The following PRLR variants were observed in gnomAD, a reference collection of about 807,000 sequenced individuals.
The protein encoded by PRLR is hPRL receptor.
PRLR carries 13 observed loss-of-function variants against 40.2 expected under a neutral mutation model. The ratio of observed to expected loss-of-function variants is 0.32; its 90% CI spans 0.21 to 0.51. PRLR has a LOEUF of 0.51. Ranked by LOEUF, PRLR falls within the 20% of genes least tolerant of loss-of-function variation. PRLR has a pLI of 0.97. For synonymous variants in PRLR, 269 were observed against 278.7 expected (o/e 0.97, Z 0.35); for missense variants, 656 against 747.3 (o/e 0.88, Z 1.42).
chr5:35,053,677 TG>T (rs1768584741), downstream of PRLR, among the ~76,000 whole-genome samples: 1 of 152,156 alleles, frequency 6.6e-6, no homozygotes, highest in South Asian at 2.1e-4. Flanking sequence ...TGAAGCCCAA[TG>T]TAAAGGAAAT....
At chr5:35,196,199 A>C (rs1053684144) in intron 1 of PRLR, among the ~76,000 whole-genome samples, 26 of 152,340 alleles carry the variant, frequency 1.7e-4, no homozygotes, top group African/African-American at 6.3e-4. Flanking sequence ...GCACTCCATG[A>C]AAGGCCAAGC....
intron 5 of PRLR, among the ~76,000 whole-genome samples, chr5:35,072,981 C>T (rs79999865): frequency 3.5e-4 from 54 of 152,232 alleles, no homozygotes; most frequent in East Asian, 3.5e-3. Flanking sequence ...TTTCATTCTC[C>T]GCATGTTCTC....
chr5:35,143,544 C>A (rs1343161427), intron 1 of PRLR, among the ~76,000 whole-genome samples: 3 of 152,154 alleles, frequency 2.0e-5, no homozygotes, highest in African/African-American at 7.2e-5. Context: ...GCACATATTG[C>A]AATTTCTAGT....
chr5:35,068,876 A>C lies in PRLR; in HGVS notation c.688T>G (p.Phe230Val), dbSNP rs1451452208. 6.2e-7 allele frequency: 1 copy of C among 1,607,796 alleles called. No individual in the cohort carries two copies. The highest frequency in any genetic ancestry group is 8.5e-7 in the Non-Finnish European group (1 of 1,174,272). ...CACACGGTTGTATCATTCATGGTGA[A>C]GTCTAAAAAACAAACAGCCAGAAAG... ...PATFIQIPSD[F>V]TMNDTTVWIS... The change falls in exon 8 of 10, where the codon TTC becomes GTC. Residue 230 changes from phenylalanine to valine, a missense_variant and splice_region_variant. Phe to Val is a conservative substitution (Grantham distance 50). Around this residue, in one of 3 missense-constraint regions of PRLR, gnomAD observed 469 missense variants for 491.5 expected, o/e 0.95. Transcript: ENST00000618457.
intron 2 of PRLR, among the ~76,000 whole-genome samples, chr5:35,094,936 T>C (rs1434469904): frequency 6.6e-6 from 1 of 150,750 alleles, no homozygotes; most frequent in African/African-American, 2.4e-5. Flanking sequence ...CAGGTGATTC[T>C]CCCACCTCAG....
intron 1 of PRLR, among the ~76,000 whole-genome samples, chr5:35,189,030 G>A (rs909221362): frequency 6.6e-6 from 1 of 152,130 alleles, no homozygotes; most frequent in African/African-American, 2.4e-5. Flanking sequence ...TTATGAGGGT[G>A]AGCCCTATTT....
intron 2 of PRLR, among the ~76,000 whole-genome samples, chr5:35,099,056 C>G (rs910083934): frequency 6.6e-6 from 1 of 152,222 alleles, no homozygotes; most frequent in Admixed American, 6.5e-5. Flanking sequence ...CCTACCCTCT[C>G]AGAACCTTGG....
intron 1 of PRLR, among the ~76,000 whole-genome samples, chr5:35,129,622 T>C (rs1186450832): frequency 6.6e-6 from 1 of 152,142 alleles, no homozygotes; most frequent in East Asian, 1.9e-4. Flanking sequence ...CTCTCTATCA[T>C]TCAGAAACAT....
chr5:35,064,806 G>T lies in PRLR; in HGVS notation c.*283C>A. The T allele has an allele frequency of 2.8e-6, 1 of 358,984 alleles. No individual in the cohort carries two copies. 22.2% of individuals were successfully genotyped at this position (358,984 alleles called of 1,614,324 possible). ...CCTTTTCCAGAGGATATACCTATTG[G>T]CATTGTCCCTCAAGAATACTAAGCA... On this transcript the variant is annotated 3_prime_UTR_variant, in exon 10 of 10. Transcript: ENST00000618457.
chr5:35,158,126 C>G lies in PRLR; in HGVS notation c.-105-40004G>C, dbSNP rs550781113. Among the ~76,000 whole-genome samples, 148 of 152,246 alleles carry G rather than the reference C, an allele frequency of 9.7e-4. 1 individual carries two copies. Among genetic ancestry groups the G allele is most frequent in the Non-Finnish European group, 2.0e-3 (136 of 68,008 alleles). On this transcript the variant is annotated intron_variant, in intron 1 of 9. Coordinates refer to ENST00000618457, the MANE Select transcript of PRLR (RefSeq NM_000949.7). Reference sequence around the variant, plus strand: ...TGCACTGTCTATATTCTCACAATAGCAGAGGAAGATGAATGCTCTTATTCC... The same window carrying G: ...TGCACTGTCTATATTCTCACAATAGGAGAGGAAGATGAATGCTCTTATTCC...
At chr5:35,168,283 A>G (rs1405918076) in intron 1 of PRLR, among the ~76,000 whole-genome samples, 1 of 152,116 alleles carries the variant, frequency 6.6e-6, no homozygotes, top group Non-Finnish European at 1.5e-5. Flanking sequence ...CCATTCTCAT[A>G]TCTGATTAAA....
intron 1 of PRLR, 80 bp from the exon 2 acceptor site, chr5:35,118,202 G>T: frequency 1.4e-6 from 1 of 717,354 alleles, no homozygotes; most frequent in Non-Finnish European, 1.7e-6. Flanking sequence ...GCAGTACGTA[G>T]CATGGCTGAA....
intron 1 of PRLR, among the ~76,000 whole-genome samples, chr5:35,127,354 T>C (rs1340163248): frequency 6.6e-6 from 1 of 152,238 alleles, no homozygotes; most frequent in Non-Finnish European, 1.5e-5. Context: ...AGACCCACTC[T>C]ATTAAGATAG....
At chr5:35,050,201 A>G (rs1768447219) in intron 8 of PRLR, among the ~76,000 whole-genome samples, 1 of 152,152 alleles carries the variant, frequency 6.6e-6, no homozygotes, top group African/African-American at 2.4e-5. Context: ...GCCCGGCCGG[A>G]CAAAACTATA....
At chr5:35,158,105 C>T (rs530853357) in intron 1 of PRLR, among the ~76,000 whole-genome samples, 105 of 152,292 alleles carry the variant, frequency 6.9e-4, no homozygotes, top group Non-Finnish European at 1.0e-3. Flanking sequence ...AGTCTTTGCA[C>T]TGTCTATATT....
At chr5:35,102,507 T>A (rs542358252) in intron 2 of PRLR, among the ~76,000 whole-genome samples, 51 of 119,964 alleles carry the variant, frequency 4.3e-4, no homozygotes, top group East Asian at 2.8e-3. Context: ...ACTCCTCTCC[T>A]CTCCTCTCCT....
Position 35,068,894 on chromosome 5 carries a change from C to A in PRLR, c.686-16G>T. 1 of 1,578,056 alleles carries A rather than the reference C, an allele frequency of 6.3e-7. No individual in the cohort carries two copies. Among genetic ancestry groups the A allele is most frequent in the Non-Finnish European group, 8.7e-7 (1 of 1,147,724 alleles). Reference sequence around the variant, plus strand: ...ATGGTGAAGTCTAAAAAACAAACAGCCAGAAAGCTTTGATCACGTACAGCA... The same window carrying A: ...ATGGTGAAGTCTAAAAAACAAACAGACAGAAAGCTTTGATCACGTACAGCA... On this transcript the variant is annotated splice_polypyrimidine_tract_variant and intron_variant, in intron 7 of 9. Transcript: ENST00000618457.
intron 5 of PRLR, among the ~76,000 whole-genome samples, chr5:35,083,111 T>C (rs948651960): frequency 3.3e-5 from 5 of 150,420 alleles, no homozygotes; most frequent in Non-Finnish European, 5.9e-5. Flanking sequence ...ACCACACTTA[T>C]ATAAAATTTG....
chr5:35,077,858 C>G lies in PRLR; in HGVS notation c.374-5114G>C, dbSNP rs183352447. 5.9e-5 allele frequency among the ~76,000 whole-genome samples: 9 copies of G among 152,304 alleles called. No individual in the cohort carries two copies. The East Asian group carries it at 1.7e-3, about 29-fold the overall frequency. On this transcript the variant is annotated intron_variant, in intron 5 of 9. Transcript: ENST00000618457. ...ACAGAAATTATAACAAACTATCTCT[C>G]AGACCACAGTGCAATCAAACTACAA...
Sources: gnomAD v4.1 joint callset for allele counts (sites outside exome capture counted in the v4.1 genomes callset) on GRCh38, gnomAD v4.1.1 for gene constraint, gnomAD v4.1.1 regional missense constraint, MANE v1.5 for transcripts, NCBI Gene and HGNC (gene_info 2026-07-23, HGNC 2026-07-21) for gene names.